SEC22C: variants seen among roughly 807,000 people sequenced by gnomAD.
SEC22C encodes the protein vesicle-trafficking protein SEC22c.
A neutral mutation model predicts 34.7 loss-of-function variants in SEC22C; 29 were observed. That is an observed-to-expected ratio of 0.84 (90% confidence interval 0.62 to 1.14). SEC22C has a LOEUF of 1.14. Ranked by LOEUF, SEC22C falls within the 50% of genes most tolerant of loss-of-function variation. SEC22C has a pLI of 0.00. For missense variants in SEC22C, 337 were observed against 369.0 expected, an observed-to-expected ratio of 0.91 and a Z score of 0.71; for synonymous variants, 117 against 132.8, an observed-to-expected ratio of 0.88 and a Z score of 0.82.
In SEC22C at chr3:42,548,592, TC is replaced by T; in HGVS notation, c.*4655del. 1 of 1,613,372 alleles carries T rather than the reference TC, an allele frequency of 6.2e-7. No homozygotes were observed. Among genetic ancestry groups the T allele is most frequent in the East Asian group, 2.2e-5 (1 of 44,874 alleles). ...CCGGATGGGAGAATCAGAGCTCTCC[TC>T]ATTTGGGTCAGGGGTGGCTGGCTCA... On this transcript the variant is annotated 3_prime_UTR_variant, in exon 7 of 7. Transcript: ENST00000264454.
chr3:42,584,817 C>G (rs1049628370), upstream of SEC22C, among the ~76,000 whole-genome samples: 3 of 152,164 alleles, frequency 2.0e-5, no homozygotes, highest in East Asian at 1.9e-4. Context: ...AATTGAAAAC[C>G]CTGTAGCATA....
intron 1 of SEC22C, among the ~76,000 whole-genome samples, chr3:42,588,915 C>T (rs764147835): frequency 5.2e-4 from 79 of 152,130 alleles, no homozygotes; most frequent in African/African-American, 1.6e-3. Flanking sequence ...GCCCTGAGTC[C>T]GCCCCAGCTC....
rs1461463608 is a variant in SEC22C, at chr3:42,552,546, A to C, written c.*702T>G. On this transcript the variant is annotated 3_prime_UTR_variant, in exon 7 of 7. Transcript: ENST00000264454. ...AATATTCGGATATACCCTGCAAATA[A>C]ATATAAAACATCTCTGTACCCAAAC... 1 of 979,336 alleles carries C rather than the reference A, an allele frequency of 1.0e-6. No homozygotes were observed. The highest frequency in any genetic ancestry group is 1.2e-6 in the Non-Finnish European group (1 of 824,544). 60.7% of individuals were successfully genotyped at this position (979,336 alleles called of 1,614,324 possible).
Position 42,576,554 on chromosome 3 carries a change from A to G in SEC22C, c.-28+5292T>C, listed in dbSNP as rs949865620. On this transcript the variant is annotated intron_variant, in intron 1 of 6. Coordinates refer to ENST00000264454, the MANE Select transcript of SEC22C (RefSeq NM_032970.4). Reference sequence around the variant, plus strand: ...AAAGCTATAATTTTTTAAATAAAATACTTAGATATAAATCTAACAAAACAT... The same window carrying G: ...AAAGCTATAATTTTTTAAATAAAATGCTTAGATATAAATCTAACAAAACAT... Among the ~76,000 whole-genome samples, 5 of 152,128 alleles carry G rather than the reference A, an allele frequency of 3.3e-5. No homozygotes were observed. In the East Asian group the frequency reaches 9.6e-4, roughly 29 times the overall value.
chr3:42,557,630 C>G lies in SEC22C; in HGVS notation c.593G>C (p.Cys198Ser), dbSNP rs1245249684. Residue 198 changes from cysteine (C) to serine (S), a missense_variant, in exon 5 of 7, where the codon TGT (cysteine) becomes TCT (serine). Coordinates refer to ENST00000264454, the MANE Select transcript of SEC22C (RefSeq NM_032970.4). ...GILSLILNIMCAALNLIRGVH... is the reference protein window; with the variant it reads ...GILSLILNIMSAALNLIRGVH... ...TCCTCGAATGAGATTCAGGGCAGCA[C>G]ACATGATGTTGAGAATGAGGGAGAG... 6.2e-7 allele frequency: 1 copy of G among 1,610,994 alleles called. No homozygotes were observed. The highest frequency in any genetic ancestry group is 8.5e-7 in the Non-Finnish European group (1 of 1,178,696).
At chr3:42,571,440 A>G (rs1287745712) in intron 1 of SEC22C, among the ~76,000 whole-genome samples, 1 of 152,188 alleles carries the variant, frequency 6.6e-6, no homozygotes, top group Non-Finnish European at 1.5e-5. Flanking sequence ...ACACTGTGAT[A>G]CTAACTTGTT....
At chr3:42,563,735 T>C in intron 2 of SEC22C, 49 bp from the exon 3 acceptor site, 1 of 1,610,844 alleles carries the variant, frequency 6.2e-7, no homozygotes, top group Non-Finnish European at 8.5e-7. Context: ...GCCCCATGTA[T>C]TCCCATCCCA....
At chr3:42,591,698 G>A (rs1350282950) in intron 1 of SEC22C, 7 of 873,430 alleles carry the variant, frequency 8.0e-6, no homozygotes, top group Non-Finnish European at 7.6e-6. Flanking sequence ...GTGATTGATC[G>A]CAGTTAAGCC....
At position 42,548,693 on chromosome 3, in the gene SEC22C, C is replaced by T. The variant is rs774806189; in HGVS notation, c.*4555G>A. ...CCAAACATCAATGGTACCATGCGCT[C>T]TGTGCCCAGGGAGTGAAAGGCAGGT... On this transcript the variant is annotated 3_prime_UTR_variant, in exon 7 of 7. Transcript: ENST00000264454. 2.5e-6 allele frequency: 4 copies of T among 1,613,892 alleles called. No homozygotes were observed. Among genetic ancestry groups the T allele is most frequent in the African/African-American group, 2.7e-5 (2 of 74,912 alleles).
chr3:42,573,716 G>A (rs1277519361), intron 1 of SEC22C, among the ~76,000 whole-genome samples: 1 of 152,138 alleles, frequency 6.6e-6, no homozygotes, highest in South Asian at 2.1e-4. Context: ...AAAATGCAAT[G>A]GATGGACTCA....
chr3:42,570,799 A>T (rs1215467341), intron 1 of SEC22C, among the ~76,000 whole-genome samples: 1 of 152,192 alleles, frequency 6.6e-6, no homozygotes, highest in Non-Finnish European at 1.5e-5. Flanking sequence ...TAATTTTAAA[A>T]CATTTTTTAA....
rs1164489197 is a variant in SEC22C at position 42,548,335 on chromosome 3, A to G, written c.*4913T>C. The G allele has an allele frequency of 9.6e-6, 4 of 416,492 alleles. No individual in the cohort carries two copies. The highest frequency in any genetic ancestry group is 1.7e-5 in the Non-Finnish European group (4 of 230,886). The allele number at this position is 416,492 out of a possible 1,614,324, so 25.8% of individuals were successfully genotyped here. ...ACACTTCTGAAGCAACCCCAGAATC[A>G]TATAAATGTAAGGGTTAAAGGTCAT... On this transcript the variant is annotated 3_prime_UTR_variant, in exon 7 of 7. Transcript: ENST00000264454.
intron 1 of SEC22C, chr3:42,591,297 C>G: frequency 1.7e-6 from 1 of 578,940 alleles, no homozygotes; most frequent in Non-Finnish European, 3.1e-6. Context: ...TTCCTGGCTT[C>G]AAGCGAGTCT....
At chr3:42,557,527 C>G in intron 5 of SEC22C, 51 bp downstream of exon 5, 3 of 803,428 alleles carry the variant, frequency 3.7e-6, no homozygotes, top group Non-Finnish European at 5.9e-6. Context: ...TCACTTTCTT[C>G]TATCATATGT....
rs999315103 is a variant in SEC22C, at chr3:42,552,106, G to T, written c.*1142C>A. ...CCAGAACCATATTTTGGAAAACTGTGATCAATCAATTTTTTGACAGTGAAA... is the reference window on the plus strand; with the variant it reads ...CCAGAACCATATTTTGGAAAACTGTTATCAATCAATTTTTTGACAGTGAAA... On this transcript the variant is annotated 3_prime_UTR_variant, in exon 7 of 7. Transcript: ENST00000264454. The T allele has an allele frequency of 7.1e-6, 7 of 985,250 alleles. No individual in the cohort carries two copies. Among genetic ancestry groups the T allele is most frequent in the Non-Finnish European group, 8.4e-6 (7 of 829,886 alleles). 61.0% of individuals were successfully genotyped at this position (985,250 alleles called of 1,614,324 possible).
rs900502399 is a variant in SEC22C, at chr3:42,549,727, G to A, written c.*3521C>T. ...AGTTTCAGACTCTGTCTCCAGAGCT[G>A]GAATGTATAGGGCAGAGGTAGAAAG... is the stretch of plus-strand genomic sequence containing the variant. On this transcript the variant is annotated 3_prime_UTR_variant, in exon 7 of 7. Coordinates refer to ENST00000264454, the MANE Select transcript of SEC22C (RefSeq NM_032970.4). 1 of 985,386 alleles carries A rather than the reference G, an allele frequency of 1.0e-6. No individual in the cohort carries two copies. Among genetic ancestry groups the A allele is most frequent in the African/African-American group, 1.7e-5 (1 of 57,256 alleles). 61.0% of individuals were successfully genotyped at this position (985,386 alleles called of 1,614,324 possible). A position where few individuals can be genotyped will look rare whatever the true frequency, so the allele number is the denominator to read the frequency against.
chr3:42,556,150 G>C (rs1702514678), intron 5 of SEC22C, among the ~76,000 whole-genome samples, 155 bp from the exon 6 acceptor site: 1 of 152,218 alleles, frequency 6.6e-6, no homozygotes, highest in Non-Finnish European at 1.5e-5. Flanking sequence ...CACCAGATCA[G>C]GGTTAGCATA....
Position 42,553,041 on chromosome 3 carries a change from T to G in SEC22C, c.*207A>C. 1 of 1,409,858 alleles carries G rather than the reference T, an allele frequency of 7.1e-7. No homozygotes were observed. Among genetic ancestry groups the G allele is most frequent in the Non-Finnish European group, 9.2e-7 (1 of 1,086,146 alleles). The allele number at this position is 1,409,858 out of a possible 1,614,324, so 87.3% of individuals were successfully genotyped here. ...AACGTGCTGAACTGGCTGGAGATCC[T>G]GCAGTAATGCTTGGCACAGAACCAA... On this transcript the variant is annotated 3_prime_UTR_variant, in exon 7 of 7. Coordinates refer to ENST00000264454, the MANE Select transcript of SEC22C (RefSeq NM_032970.4).
chr3:42,570,554 T>G (rs1428337132), intron 1 of SEC22C, among the ~76,000 whole-genome samples: 1 of 152,100 alleles, frequency 6.6e-6, no homozygotes, highest in Non-Finnish European at 1.5e-5. Context: ...CACAGTCCAT[T>G]TGACCCATTT....
Sources: allele counts gnomAD v4.1 joint callset (sites outside exome capture counted in the v4.1 genomes callset), GRCh38; gene constraint gnomAD v4.1.1; transcripts MANE v1.5; gene names NCBI Gene and HGNC (gene_info 2026-07-23, HGNC 2026-07-21).